Variants in GUCY1A2 observed in about 807,000 individuals in gnomAD.
GUCY1A2 encodes the protein guanylate cyclase soluble subunit alpha-2.
GUCY1A2 carries 27 observed loss-of-function variants against 63.5 expected under a neutral mutation model. The observed-to-expected ratio is 0.43, with a 90% CI of 0.31 to 0.59. The LOEUF is 0.59. GUCY1A2 is among the 20% of genes least tolerant of loss of function. GUCY1A2 has a pLI of 0.11. For missense variants in GUCY1A2, 768 were observed against 913.3 expected, an observed-to-expected ratio of 0.84 and a Z score of 2.05; for synonymous variants, 364 against 343.5, an observed-to-expected ratio of 1.06 and a Z score of -0.66.
intron 3 of GUCY1A2, among the ~76,000 whole-genome samples, chr11:106,943,976 C>A (rs1860787340): frequency 6.6e-6 from 1 of 151,844 alleles, no homozygotes; most frequent in South Asian, 2.1e-4. Context: ...GAGGCCAAAG[C>A]AGGCTGATTG....
intron 4 of GUCY1A2, among the ~76,000 whole-genome samples, chr11:106,874,645 G>T (rs1407025600): frequency 2.6e-5 from 4 of 151,734 alleles, no homozygotes; most frequent in African/African-American, 7.3e-5. Context: ...CTTATTATTG[G>T]CATAAAAATC....
intron 4 of GUCY1A2, among the ~76,000 whole-genome samples, chr11:106,881,537 G>A (rs1022085092): frequency 5.3e-5 from 8 of 151,822 alleles, no homozygotes; most frequent in African/African-American, 1.9e-4. Flanking sequence ...TCTGCCTTAT[G>A]GTGTATTCTT....
chr11:106,980,104 A>C (rs551758926), intron 2 of GUCY1A2, among the ~76,000 whole-genome samples: 4 of 152,204 alleles, frequency 2.6e-5, no homozygotes, highest in South Asian at 2.1e-4. Flanking sequence ...AAGAGGAAGA[A>C]GACTCTGGAG....
At chr11:106,975,863 C>A (rs1375753703) in intron 3 of GUCY1A2, among the ~76,000 whole-genome samples, 1 of 152,174 alleles carries the variant, frequency 6.6e-6, no homozygotes, top group Non-Finnish European at 1.5e-5. Context: ...TTCTCCAACT[C>A]ACTTTCTCCC....
At chr11:106,949,803 T>C (rs79778830) in intron 3 of GUCY1A2, among the ~76,000 whole-genome samples, 2,405 of 152,296 alleles carry the variant, frequency 0.016, 56 homozygotes, top group African/African-American at 0.054. Flanking sequence ...AGACAAACTA[T>C]GGAGTTTTAG....
intron 6 of GUCY1A2, among the ~76,000 whole-genome samples, chr11:106,740,084 C>T (rs1289055239): frequency 2.0e-5 from 3 of 151,542 alleles, no homozygotes; most frequent in African/African-American, 4.9e-5. Context: ...CTGCAACCTC[C>T]GCCTCCCAGG....
chr11:106,681,506 TCATATTTTTATAGC>T lies in GUCY1A2; in HGVS notation c.*6029_*6042del, dbSNP rs1310272664. On this transcript the variant is annotated 3_prime_UTR_variant, in exon 8 of 8. Coordinates refer to ENST00000526355, the MANE Select transcript of GUCY1A2 (RefSeq NM_000855.3). Reference sequence around the variant, plus strand: ...CAAATCTCTTTGACAGGAATAGAAATCATATTTTTATAGCCATGTTTAAAATTATGCACCAGAAA... The same window carrying T: ...CAAATCTCTTTGACAGGAATAGAAATCATGTTTAAAATTATGCACCAGAAA... 9.1e-6 allele frequency: 2 copies of T among 220,260 alleles called. No individual in the cohort carries two copies. Among genetic ancestry groups the T allele is most frequent in the African/African-American group, 4.5e-5 (2 of 44,662 alleles). 13.6% of individuals were successfully genotyped at this position (220,260 alleles called of 1,614,324 possible).
chr11:106,986,228 T>G, intron 1 of GUCY1A2, 97 bp from the exon 2 acceptor site: 1 of 689,660 alleles, frequency 1.4e-6, no homozygotes, highest in Non-Finnish European at 2.6e-6. Context: ...TTCTGATTTA[T>G]CTCTTGAGAG....
intron 3 of GUCY1A2, among the ~76,000 whole-genome samples, chr11:106,942,103 C>A (rs1487553760): frequency 6.7e-6 from 1 of 148,354 alleles, no homozygotes. Context: ...AGACAATATT[C>A]ACTGCCATTA....
intron 2 of GUCY1A2, among the ~76,000 whole-genome samples, chr11:106,984,893 G>A (rs528689150): frequency 6.6e-6 from 1 of 152,176 alleles, no homozygotes; most frequent in East Asian, 1.9e-4. Context: ...GCCATCTCAT[G>A]AGTTTAAATA....
chr11:106,842,723 G>T (rs1591298766), intron 4 of GUCY1A2, among the ~76,000 whole-genome samples: 1 of 151,940 alleles, frequency 6.6e-6, no homozygotes, highest in Non-Finnish European at 1.5e-5. Context: ...GAAAAAGGGG[G>T]TAGGGAGGAA....
At chr11:106,724,211 G>T (rs1362410562) in intron 6 of GUCY1A2, among the ~76,000 whole-genome samples, 5 of 152,194 alleles carry the variant, frequency 3.3e-5, no homozygotes, top group Non-Finnish European at 5.9e-5. Context: ...AGCTACTGTG[G>T]GCCTCAGCCC....
At chr11:106,734,032 TCC>T (rs1863547793) in intron 6 of GUCY1A2, among the ~76,000 whole-genome samples, 4 of 152,034 alleles carry the variant, frequency 2.6e-5, no homozygotes, top group African/African-American at 9.7e-5. Flanking sequence ...TATAGTAATC[TCC>T]CTTGAGACAA....
At chr11:106,977,167 T>C (rs1190172723) in intron 3 of GUCY1A2, among the ~76,000 whole-genome samples, 1 of 152,182 alleles carries the variant, frequency 6.6e-6, no homozygotes, top group African/African-American at 2.4e-5. Context: ...ATCCCTTCAC[T>C]GAGATTCTGA....
intron 4 of GUCY1A2, among the ~76,000 whole-genome samples, chr11:106,904,086 T>G (rs186277829): frequency 3.3e-5 from 5 of 152,206 alleles, no homozygotes; most frequent in African/African-American, 4.8e-5. Context: ...GTAACCAAAT[T>G]TATTTGACAG....
At chr11:106,865,497 G>T (rs1456567922) in intron 4 of GUCY1A2, among the ~76,000 whole-genome samples, 4 of 151,988 alleles carry the variant, frequency 2.6e-5, no homozygotes, top group Non-Finnish European at 5.9e-5. Flanking sequence ...CATGTCCTTT[G>T]CAGGGACATG....
At chr11:106,779,218 C>T (rs1028072575) in intron 5 of GUCY1A2, among the ~76,000 whole-genome samples, 1 of 151,984 alleles carries the variant, frequency 6.6e-6, no homozygotes, top group Non-Finnish European at 1.5e-5. Flanking sequence ...TTTTCTGATG[C>T]CAGAAAAATG....
At chr11:106,979,861 A>G (rs749573362) in intron 2 of GUCY1A2, among the ~76,000 whole-genome samples, 1 of 152,228 alleles carries the variant, frequency 6.6e-6, no homozygotes, top group Non-Finnish European at 1.5e-5. Flanking sequence ...AAAGAACAGA[A>G]AGACTTCAAA....
intron 3 of GUCY1A2, among the ~76,000 whole-genome samples, chr11:106,942,933 T>C (rs1056409937): frequency 1.1e-4 from 17 of 152,200 alleles, no homozygotes; most frequent in African/African-American, 4.1e-4. Flanking sequence ...AAAGTGACGG[T>C]TGTATTACTA....
Sources: allele counts gnomAD v4.1 joint callset (sites outside exome capture counted in the v4.1 genomes callset), GRCh38; gene constraint gnomAD v4.1.1; transcripts MANE v1.5; gene names NCBI Gene and HGNC (gene_info 2026-07-23, HGNC 2026-07-21).